The following EDIL3 variants were observed in gnomAD, a reference collection of about 807,000 sequenced individuals.
EDIL3 encodes EGF-like repeat and discoidin I-like domain-containing protein 3.
A neutral mutation model predicts 67.4 loss-of-function variants in EDIL3; 37 were observed. The ratio of observed to expected loss-of-function variants is 0.55; its 90% CI spans 0.42 to 0.72. The LOEUF (loss-of-function observed/expected upper bound fraction) is 0.72. Ranked by LOEUF, EDIL3 falls within the 30% of genes least tolerant of loss-of-function variation. EDIL3 has a pLI of 0.00. For synonymous variants in EDIL3, 195 were observed against 196.3 expected (o/e 0.99, Z 0.05); for missense variants, 527 against 586.3 (o/e 0.90, Z 1.04).
chr5:84,362,810 AT>A (rs1328709032), intron 1 of EDIL3, among the ~76,000 whole-genome samples: 2 of 152,192 alleles, frequency 1.3e-5, no homozygotes, highest in Non-Finnish European at 2.9e-5. Flanking sequence ...CATTTTAAAT[AT>A]TTCAAAAGAT....
intron 1 of EDIL3, among the ~76,000 whole-genome samples, chr5:84,326,598 T>C (rs933021735): frequency 1.3e-5 from 2 of 152,012 alleles, no homozygotes; most frequent in Admixed American, 1.3e-4. Flanking sequence ...GATGTAAATC[T>C]CATCTTTATT....
chr5:84,321,131 T>C (rs1046086412), intron 1 of EDIL3, among the ~76,000 whole-genome samples: 1 of 152,232 alleles, frequency 6.6e-6, no homozygotes, highest in African/African-American at 2.4e-5. Context: ...TTTTTATTTG[T>C]TCACTATTCC....
At chr5:84,340,528 CTCTCTCTATATATATATATA>C (rs1212663804) in intron 1 of EDIL3, among the ~76,000 whole-genome samples, 2 of 71,546 alleles carry the variant, frequency 2.8e-5, no homozygotes, top group African/African-American at 8.8e-5. Context: ...CTCTCTCTCT[CTCTCTCTATATATATATATA>C]TATATATATA....
intron 5 of EDIL3, among the ~76,000 whole-genome samples, chr5:84,133,673 G>T (rs940138355): frequency 6.6e-6 from 1 of 151,602 alleles, no homozygotes; most frequent in African/African-American, 2.4e-5. Flanking sequence ...ATTAAATTAG[G>T]ACTTTAATTA....
intron 1 of EDIL3, among the ~76,000 whole-genome samples, chr5:84,368,046 A>T (rs1418411772): frequency 6.6e-6 from 1 of 152,160 alleles, no homozygotes; most frequent in Non-Finnish European, 1.5e-5. Flanking sequence ...CAAAAATTGC[A>T]CTGGCAGAAT....
At chr5:84,109,600 C>T (rs758869171) in intron 5 of EDIL3, among the ~76,000 whole-genome samples, 1 of 152,156 alleles carries the variant, frequency 6.6e-6, no homozygotes, top group East Asian at 1.9e-4. Flanking sequence ...ATATCTTATA[C>T]AAAGTATTTT....
chr5:84,053,376 C>T (rs1363500707), intron 9 of EDIL3, among the ~76,000 whole-genome samples: 2 of 152,102 alleles, frequency 1.3e-5, no homozygotes. Context: ...AAAATTGACA[C>T]CCTAACATCA....
chr5:84,075,761 C>G (rs1746841931), intron 6 of EDIL3, among the ~76,000 whole-genome samples: 1 of 152,048 alleles, frequency 6.6e-6, no homozygotes, highest in Non-Finnish European at 1.5e-5. Flanking sequence ...AGGTGTGAGC[C>G]ACTGTGCCCG....
At chr5:84,343,110 A>C (rs1326823643) in intron 1 of EDIL3, among the ~76,000 whole-genome samples, 1 of 152,240 alleles carries the variant, frequency 6.6e-6, no homozygotes, top group East Asian at 1.9e-4. Context: ...TTGTGCCTAC[A>C]TTATATATCT....
At position 84,149,223 on chromosome 5, in the gene EDIL3, C is replaced by A. The variant is rs1379516783; in HGVS notation, c.356-11869G>T. The stretch of plus-strand genomic sequence containing the variant: ...AGAGACAGTTCACCACAGAGATCTG[C>A]AGTCCTGAACACTGCCGTGCTCTCT... On this transcript the variant is annotated intron_variant, in intron 4 of 10. Coordinates refer to ENST00000296591, the MANE Select transcript of EDIL3 (RefSeq NM_005711.5). Among the ~76,000 whole-genome samples the A allele has an allele frequency of 2.0e-5, 3 of 152,164 alleles. No individual in the cohort carries two copies. The East Asian group carries it at 5.8e-4, about 29-fold the overall frequency.
chr5:84,078,228 A>C (rs1291787365), intron 6 of EDIL3, among the ~76,000 whole-genome samples: 1 of 152,116 alleles, frequency 6.6e-6, no homozygotes, highest in African/African-American at 2.4e-5. Flanking sequence ...TATGTTAGCA[A>C]AGGAGAGCAG....
At chr5:84,207,621 G>A (rs1479261789) in intron 3 of EDIL3, among the ~76,000 whole-genome samples, 1 of 150,940 alleles carries the variant, frequency 6.6e-6, no homozygotes, top group African/African-American at 2.4e-5. Context: ...AAAGCTGGAG[G>A]CATCACACTA....
intron 8 of EDIL3, 71 bp downstream of exon 8, chr5:84,064,628 TA>T (rs1173835126): frequency 8.7e-6 from 13 of 1,493,544 alleles, no homozygotes; most frequent in Non-Finnish European, 1.1e-5. Context: ...TGTAGGTTAG[TA>T]ACAGGCTACA....
intron 4 of EDIL3, among the ~76,000 whole-genome samples, chr5:84,174,430 C>A (rs1363751991): frequency 6.6e-6 from 1 of 152,182 alleles, no homozygotes; most frequent in Non-Finnish European, 1.5e-5. Context: ...TTCATCAGTT[C>A]AAAGGGCCTA....
chr5:83,978,869 T>C (rs1744917832), intron 9 of EDIL3, among the ~76,000 whole-genome samples: 1 of 152,024 alleles, frequency 6.6e-6, no homozygotes, highest in Non-Finnish European at 1.5e-5. Flanking sequence ...CTTCAAGTAT[T>C]TCAGGAGAAA....
At chr5:84,277,163 C>A (rs559841022) in intron 1 of EDIL3, among the ~76,000 whole-genome samples, 1 of 151,998 alleles carries the variant, frequency 6.6e-6, no homozygotes, top group African/African-American at 2.4e-5. Context: ...ATGTTTACAT[C>A]CCCCCAAGAT....
chr5:83,956,181 G>A (rs894102343), intron 10 of EDIL3, among the ~76,000 whole-genome samples: 5 of 151,674 alleles, frequency 3.3e-5, no homozygotes, highest in South Asian at 2.1e-4. Flanking sequence ...CCCATAAGCC[G>A]CACCTCCTGT....
intron 10 of EDIL3, among the ~76,000 whole-genome samples, chr5:83,951,818 C>G (rs1744427337): frequency 6.6e-6 from 1 of 151,716 alleles, no homozygotes; most frequent in South Asian, 2.1e-4. Flanking sequence ...CATTTAACTT[C>G]TGGCTTTTCG....
intron 9 of EDIL3, among the ~76,000 whole-genome samples, chr5:83,977,883 T>C (rs1432573583): frequency 2.6e-5 from 4 of 151,864 alleles, no homozygotes; most frequent in Admixed American, 6.6e-5. Context: ...TTTCTTTTAA[T>C]GAATAACAGA....
Sources: allele counts gnomAD v4.1 joint callset (sites outside exome capture counted in the v4.1 genomes callset), GRCh38; gene constraint gnomAD v4.1.1; transcripts MANE v1.5; gene names NCBI Gene and HGNC (gene_info 2026-07-23, HGNC 2026-07-21).